The following SPATA6 variants were observed in gnomAD, a reference collection of about 807,000 sequenced individuals.
SPATA6 encodes the protein spermatogenesis associated 6.
SPATA6 carries 56 observed loss-of-function variants against 65.3 expected under a neutral mutation model. The observed-to-expected ratio is 0.86, with a 90% CI of 0.69 to 1.07. The LOEUF (loss-of-function observed/expected upper bound fraction) is 1.07. SPATA6 is among the 50% of genes least tolerant of loss of function. The pLI is 0.00. For missense variants in SPATA6, 590 were observed against 594.8 expected, an observed-to-expected ratio of 0.99 and a Z score of 0.08; for synonymous variants, 199 against 213.2, an observed-to-expected ratio of 0.93 and a Z score of 0.58.
chr1:48,426,543 T>TAG (rs1244400711), intron 3 of SPATA6, among the ~76,000 whole-genome samples: 1 of 152,064 alleles, frequency 6.6e-6, no homozygotes, highest in East Asian at 1.9e-4. Flanking sequence ...CAGAATACCC[T>TAG]AGAAAGCAAG....
intron 3 of SPATA6, chr1:48,436,165 G>A: frequency 6.2e-7 from 1 of 1,610,804 alleles, no homozygotes; most frequent in Non-Finnish European, 8.5e-7. Flanking sequence ...AACAGGAAGA[G>A]GATTTGACAA....
intron 8 of SPATA6, among the ~76,000 whole-genome samples, chr1:48,391,866 A>C (rs1650106187): frequency 6.6e-6 from 1 of 152,140 alleles, no homozygotes; most frequent in Non-Finnish European, 1.5e-5. Flanking sequence ...AAGAAACTTG[A>C]GATGGACATA....
At chr1:48,288,266 A>G in the SPATA6 span, among the ~76,000 whole-genome samples, 1 of 152,150 alleles carries the variant, frequency 6.6e-6, no homozygotes, top group South Asian at 2.1e-4. Context: ...CTTTTCTTGA[A>G]GTGTCTTTGG....
rs1314047888 is a variant in SPATA6, at chr1:48,305,789, A to G, written c.1284T>C (p.Tyr428=). ...ATATACATATATTTCATTCATACCTATACTCGGGGTCACTGTCATAGGCAG... is the reference window on the plus strand; with the variant it reads ...ATATACATATATTTCATTCATACCTGTACTCGGGGTCACTGTCATAGGCAG... ...RDSAYDSDPE[Y]SSCQQPRGTF... The change falls in exon 12 of 13, where the codon TAT becomes TAC. Residue 428 remains tyrosine, a splice_region_variant and synonymous_variant. Coordinates refer to ENST00000371847, the MANE Select transcript of SPATA6 (RefSeq NM_019073.4). 6.2e-7 allele frequency: 1 copy of G among 1,607,640 alleles called. No individual in the cohort carries two copies. The highest frequency in any genetic ancestry group is 1.7e-5 in the Admixed American group (1 of 59,474).
chr1:48,279,144 C>T, the SPATA6 span, among the ~76,000 whole-genome samples: 1 of 152,140 alleles, frequency 6.6e-6, no homozygotes, highest in Non-Finnish European at 1.5e-5. Flanking sequence ...GAGATTTTGT[C>T]ACCACCAGGC....
chr1:48,282,992 C>T, the SPATA6 span, among the ~76,000 whole-genome samples: 1 of 151,904 alleles, frequency 6.6e-6, no homozygotes, highest in Admixed American at 6.6e-5. Flanking sequence ...ACCATGGAAT[C>T]CTATGCAGCC....
rs1000204255 is a variant in SPATA6, at chr1:48,451,570, C to T, written c.220G>A (p.Val74Met). The T allele has an allele frequency of 3.7e-6, 6 of 1,612,262 alleles. No individual in the cohort carries two copies. Among genetic ancestry groups the T allele is most frequent in the Non-Finnish European group, 5.1e-6 (6 of 1,179,274 alleles). Residue 74 changes from valine (V) to methionine (M), a missense_variant, in exon 3 of 13, where the codon GTG (valine) becomes ATG (methionine). Transcript: ENST00000371847. Reference sequence around the variant, plus strand: ...AACTTACATTCAAGCTGTGTAACCACATCTCCAGGATCTACTGCGTCCGGG... The same window carrying T: ...AACTTACATTCAAGCTGTGTAACCATATCTCCAGGATCTACTGCGTCCGGG... ...VFPDAVDPGD[V>M]VTQLEYDTAV...
chr1:48,379,471 G>A (rs1190385754), intron 9 of SPATA6, among the ~76,000 whole-genome samples: 2 of 152,074 alleles, frequency 1.3e-5, no homozygotes, highest in African/African-American at 4.8e-5. Context: ...GGGACATTGG[G>A]GTATGGTGGG....
Position 48,442,972 on chromosome 1 carries a change from C to T in SPATA6, c.238+8580G>A, listed in dbSNP as rs775818524. Among the ~76,000 whole-genome samples, 299 of 152,250 alleles carry T rather than the reference C, an allele frequency of 2.0e-3. 9 individuals carry two copies. The highest frequency in any genetic ancestry group is 1.2e-3 in the East Asian group (6 of 5,176). On this transcript the variant is annotated intron_variant, in intron 3 of 12. Transcript: ENST00000371847. ...ATCTAAATCTTAACTAATTACCATA[C>T]AAAAGTCCAACCAGACCTAGAAGGA...
At chr1:48,467,482 G>A (rs1373545305) in intron 1 of SPATA6, among the ~76,000 whole-genome samples, 2 of 152,012 alleles carry the variant, frequency 1.3e-5, no homozygotes, top group East Asian at 1.9e-4. Context: ...TGTTCAAAAG[G>A]TAATGTCCAC....
At chr1:48,358,643 T>C (rs772830389) in intron 10 of SPATA6, among the ~76,000 whole-genome samples, 3 of 152,120 alleles carry the variant, frequency 2.0e-5, no homozygotes, top group Non-Finnish European at 4.4e-5. Flanking sequence ...GAAAAACCGC[T>C]CTTCCAGTTT....
chr1:48,397,442 G>GT (rs1248934969), intron 7 of SPATA6, among the ~76,000 whole-genome samples: 4 of 151,388 alleles, frequency 2.6e-5, no homozygotes, highest in South Asian at 2.1e-4. Context: ...AATTGCACCA[G>GT]TTTTTTTTGG....
intron 11 of SPATA6, among the ~76,000 whole-genome samples, chr1:48,348,240 A>T (rs1484684855): frequency 6.6e-6 from 1 of 151,996 alleles, no homozygotes; most frequent in African/African-American, 2.4e-5. Flanking sequence ...ACCCAAGGGG[A>T]CAGAAAGCAA....
intron 3 of SPATA6, among the ~76,000 whole-genome samples, chr1:48,413,356 C>A (rs893032970): frequency 6.7e-6 from 1 of 149,952 alleles, no homozygotes; most frequent in Non-Finnish European, 1.5e-5. Flanking sequence ...GTGGCGCAAT[C>A]TTGGCTCACT....
At chr1:48,390,411 TG>T (rs2147888473) in intron 8 of SPATA6, among the ~76,000 whole-genome samples, 1 of 152,220 alleles carries the variant, frequency 6.6e-6, no homozygotes, top group African/African-American at 2.4e-5. Context: ...CTGGGAAGGA[TG>T]GGTTGGTAGG....
At chr1:48,384,862 T>C (rs1411813705) in intron 9 of SPATA6, among the ~76,000 whole-genome samples, 2 of 151,762 alleles carry the variant, frequency 1.3e-5, no homozygotes, top group Non-Finnish European at 2.9e-5. Context: ...GATTTTCATT[T>C]ATCACAGTGA....
chr1:48,288,601 G>A, the SPATA6 span, among the ~76,000 whole-genome samples: 3 of 152,282 alleles, frequency 2.0e-5, no homozygotes, highest in South Asian at 6.2e-4. Context: ...CCTAGCCAAG[G>A]GAAGCCATGA....
rs1375351192 is a variant in SPATA6, at chr1:48,312,548, C to T, written c.1195-6670G>A. On this transcript the variant is annotated intron_variant, in intron 11 of 12. Coordinates refer to ENST00000371847, the MANE Select transcript of SPATA6 (RefSeq NM_019073.4). ...CACCCAAACCAAAAACCCATCTGTA[C>T]GTCACCATCATCAAAGATCAAAGGC... Among the ~76,000 whole-genome samples the T allele has an allele frequency of 3.9e-5, 6 of 152,118 alleles. No individual in the cohort carries two copies. In the East Asian group the frequency reaches 5.8e-4, roughly 15 times the overall value.
At chr1:48,299,869 C>G (rs989993085) in intron 12 of SPATA6, among the ~76,000 whole-genome samples, 1 of 152,158 alleles carries the variant, frequency 6.6e-6, no homozygotes, top group Non-Finnish European at 1.5e-5. Context: ...CTCTAAGACC[C>G]TTTCTACTAT....
Sources: allele counts gnomAD v4.1 joint callset (sites outside exome capture counted in the v4.1 genomes callset), GRCh38; gene constraint gnomAD v4.1.1; transcripts MANE v1.5; gene names NCBI Gene and HGNC (gene_info 2026-07-23, HGNC 2026-07-21).